Variants in CELF2 observed in about 807,000 individuals in gnomAD.
CELF2 encodes the protein CUG triplet repeat RNA-binding protein 2.
CELF2 carries 8 observed loss-of-function variants against 62.6 expected under a neutral mutation model. That is an observed-to-expected ratio of 0.13 (90% CI 0.07 to 0.23). The LOEUF is 0.23. CELF2 is among the 10% of genes least tolerant of loss of function. CELF2 has a pLI of 1.00. For synonymous variants in CELF2, 258 were observed against 250.0 expected, an observed-to-expected ratio of 1.03 and a Z score of -0.30; for missense variants, 333 against 671.0, an observed-to-expected ratio of 0.50 and a Z score of 5.56.
intron 1 of CELF2, among the ~76,000 whole-genome samples, chr10:11,028,735 T>TG (rs1383691787): frequency 1.2e-5 from 1 of 82,280 alleles, no homozygotes; most frequent in African/African-American, 3.4e-5. Context: ...TTTTTTTTTT[T>TG]GGGAGATGGA....
intron 4 of CELF2, 84 bp downstream of exon 4, chr10:11,249,285 C>T: frequency 9.0e-7 from 1 of 1,113,242 alleles, no homozygotes; most frequent in South Asian, 1.3e-5. Context: ...AGAAGCCGGC[C>T]CAGCTGCTTT....
chr10:11,142,149 A>G (rs1256894926), intron 1 of CELF2, among the ~76,000 whole-genome samples: 1 of 152,254 alleles, frequency 6.6e-6, no homozygotes, highest in African/African-American at 2.4e-5. Flanking sequence ...CATAGATGAC[A>G]ATGTGGTACG....
At chr10:11,147,720 A>G (rs182286685) in intron 1 of CELF2, among the ~76,000 whole-genome samples, 2 of 152,388 alleles carry the variant, frequency 1.3e-5, no homozygotes, top group Admixed American at 1.3e-4. Context: ...AGAAACACAC[A>G]TAATAACGGT....
chr10:11,275,170 T>C (rs1425354255), intron 8 of CELF2, 50 bp downstream of exon 8: 1 of 1,588,614 alleles, frequency 6.3e-7, no homozygotes, highest in African/African-American at 1.3e-5. Flanking sequence ...TGTCAGAATT[T>C]GGGGTTGGTT....
rs1003960149 is a variant in CELF2, at chr10:10,936,858, G to A, written c.89+16859G>A. Among the ~76,000 whole-genome samples the A allele has an allele frequency of 2.0e-5, 3 of 152,120 alleles. No homozygotes were observed. The highest frequency in any genetic ancestry group is 7.2e-5 in the African/African-American group (3 of 41,422). On this transcript the variant is annotated intron_variant, in intron 2 of 13. Coordinates refer to the CELF2 transcript ENST00000636488. This position sits in a 1 kb window ranked among gnomAD's most constrained non-coding sequence, Gnocchi z 4.0. ...TGCATGTTCTGATTCAGCTGGTCTG[G>A]GGCAAAACCTGAAATTCTGTATTTC...
the CELF2 span, among the ~76,000 whole-genome samples, chr10:10,552,792 TCTTAA>T: frequency 6.6e-6 from 1 of 152,198 alleles, no homozygotes; most frequent in Non-Finnish European, 1.5e-5. Flanking sequence ...GTGTCTTCTA[TCTTAA>T]CTTCGGCTGC....
chr10:10,641,688 A>G, the CELF2 span, among the ~76,000 whole-genome samples: 662 of 152,212 alleles, frequency 4.3e-3, 3 homozygotes, highest in African/African-American at 0.015. Context: ...ACCTCAAGCA[A>G]TCTGCCCGCC....
the CELF2 span, among the ~76,000 whole-genome samples, chr10:10,761,237 C>A: frequency 6.6e-6 from 1 of 152,166 alleles, no homozygotes; most frequent in South Asian, 2.1e-4. Flanking sequence ...TAAAAGACAT[C>A]TCTCAGGTTC....
the CELF2 span, among the ~76,000 whole-genome samples, chr10:10,705,263 C>T: frequency 6.6e-6 from 1 of 151,588 alleles, no homozygotes; most frequent in East Asian, 1.9e-4. Flanking sequence ...CACATATGAA[C>T]GTAGTCACAA....
chr10:10,519,731 G>C, the CELF2 span, among the ~76,000 whole-genome samples: 2 of 152,170 alleles, frequency 1.3e-5, no homozygotes, highest in African/African-American at 4.8e-5. Context: ...AATGAAAATG[G>C]TGAGTTGGAC....
chr10:10,646,582 T>C, the CELF2 span, among the ~76,000 whole-genome samples: 3 of 152,294 alleles, frequency 2.0e-5, no homozygotes, highest in East Asian at 3.9e-4. Context: ...AATTAAGAAA[T>C]GGATTACATG....
rs1196599678 is a variant in CELF2 at position 11,156,291 on chromosome 10, C to T, written c.75-9195C>T. ...ATAACATGGCTCTTAATAGTGGCGACAGATCACATGACGTGTGATTTAATT... is the reference window on the plus strand; with the variant it reads ...ATAACATGGCTCTTAATAGTGGCGATAGATCACATGACGTGTGATTTAATT... On this transcript the variant is annotated intron_variant, in intron 1 of 12. Coordinates refer to ENST00000633077, the MANE Select transcript of CELF2 (RefSeq NM_001326342.2). This position sits in a 1 kb window ranked among gnomAD's most constrained non-coding sequence, Gnocchi z 4.3. Among the ~76,000 whole-genome samples the T allele has an allele frequency of 1.3e-5, 2 of 152,072 alleles. No individual in the cohort carries two copies. The highest frequency in any genetic ancestry group is 1.3e-4 in the Admixed American group (2 of 15,272).
the CELF2 span, among the ~76,000 whole-genome samples, chr10:10,472,000 G>A: frequency 6.6e-6 from 1 of 151,862 alleles, no homozygotes; most frequent in East Asian, 1.9e-4. Context: ...ATTAATGTGT[G>A]TGTTTTCTCT....
chr10:11,178,740 G>C lies in CELF2; in HGVS notation c.271+13058G>C, dbSNP rs894778901. The stretch of plus-strand genomic sequence containing the variant: ...AGGGCCTGCCACATGTCTTCCAGAC[G>C]GCTAGAATGCTCAGGAGATAAGAGT... On this transcript the variant is annotated intron_variant, in intron 2 of 12. Transcript: ENST00000633077. The surrounding 1 kb of genome is among the most constrained non-coding windows in gnomAD (Gnocchi z 4.3). 2.0e-5 allele frequency among the ~76,000 whole-genome samples: 3 copies of C among 152,182 alleles called. No homozygotes were observed. Among genetic ancestry groups the C allele is most frequent in the Non-Finnish European group, 4.4e-5 (3 of 68,032 alleles).
In CELF2 at chr10:11,110,461, C is replaced by T. The variant is rs1037943325; in HGVS notation, c.75-55025C>T. 3.3e-5 allele frequency among the ~76,000 whole-genome samples: 5 copies of T among 152,158 alleles called. No homozygotes were observed. Among genetic ancestry groups the T allele is most frequent in the African/African-American group, 9.7e-5 (4 of 41,432 alleles). ...TTTTCCCATCTCCTACTACCTAAGT[C>T]GGGACAAAGCTTCTGCTTATTTTTC... On this transcript the variant is annotated intron_variant, in intron 1 of 12. Coordinates refer to ENST00000633077, the MANE Select transcript of CELF2 (RefSeq NM_001326342.2). This position sits in a 1 kb window ranked among gnomAD's most constrained non-coding sequence, Gnocchi z 4.0.
In CELF2 at chr10:11,165,305, G is replaced by A. The variant is rs2066738482; in HGVS notation, c.75-181G>A. 2 of 1,406,070 alleles carry A rather than the reference G, an allele frequency of 1.4e-6. No individual in the cohort carries two copies. Among genetic ancestry groups the A allele is most frequent in the East Asian group, 5.4e-5 (2 of 36,882 alleles). The allele number at this position is 1,406,070 out of a possible 1,614,324, so 87.1% of individuals were successfully genotyped here. On this transcript the variant is annotated intron_variant, in intron 1 of 12. Transcript: ENST00000633077. The surrounding 1 kb of genome is among the most constrained non-coding windows in gnomAD (Gnocchi z 7.4). The stretch of plus-strand genomic sequence containing the variant: ...GCAGTGAGAGCCTCGCCGCCGCCGA[G>A]GAGCAACTCATGGTGCCTCCGCTTT...
chr10:10,735,118 T>C, the CELF2 span, among the ~76,000 whole-genome samples: 1 of 152,212 alleles, frequency 6.6e-6, no homozygotes, highest in Non-Finnish European at 1.5e-5. Flanking sequence ...TTTATAACTA[T>C]AAAATGTCTT....
rs185251548 is a variant in CELF2 at position 11,211,235 on chromosome 10, C to T, written c.272-6190C>T. Among the ~76,000 whole-genome samples, 2 of 152,334 alleles carry T rather than the reference C, an allele frequency of 1.3e-5. No homozygotes were observed. Among genetic ancestry groups the T allele is most frequent in the East Asian group, 3.9e-4 (2 of 5,186 alleles). On this transcript the variant is annotated intron_variant, in intron 2 of 12. Coordinates refer to ENST00000633077, the MANE Select transcript of CELF2 (RefSeq NM_001326342.2). The surrounding 1 kb of genome is among the most constrained non-coding windows in gnomAD (Gnocchi z 4.8). ...TCGAAGTTAAAGTGAACTATGATTGCACCACTGCACTCTAACCTGGGGAAC... is the reference window on the plus strand; with the variant it reads ...TCGAAGTTAAAGTGAACTATGATTGTACCACTGCACTCTAACCTGGGGAAC...
chr10:11,149,492 G>T (rs753164012), intron 1 of CELF2, among the ~76,000 whole-genome samples: 8 of 152,306 alleles, frequency 5.3e-5, no homozygotes, highest in South Asian at 2.1e-4. Context: ...CCTCAGGAAC[G>T]AATCTTTTCT....
Sources: allele counts gnomAD v4.1 joint callset (sites outside exome capture counted in the v4.1 genomes callset), GRCh38; gene constraint gnomAD v4.1.1; non-coding constraint Gnocchi (gnomAD v3.1); transcripts MANE v1.5; gene names NCBI Gene and HGNC (gene_info 2026-07-23, HGNC 2026-07-21).